Variants in SLC35A3 observed in about 807,000 individuals in gnomAD.
SLC35A3 encodes the protein UDP-N-acetylglucosamine transporter.
In SLC35A3, 26 loss-of-function variants were observed where a neutral mutation model predicts 39.0. That is an observed-to-expected ratio of 0.67 (90% CI 0.49 to 0.92). The LOEUF (loss-of-function observed/expected upper bound fraction) is 0.92. Ranked by LOEUF, SLC35A3 falls within the 40% of genes least tolerant of loss-of-function variation. The probability of loss-of-function intolerance (pLI) is 0.00; values close to 1 mark genes in which losing one functional copy is unlikely to be tolerated. For missense variants in SLC35A3, 299 were observed against 371.6 expected, an observed-to-expected ratio of 0.80 and a Z score of 1.61; for synonymous variants, 135 against 133.1, an observed-to-expected ratio of 1.01 and a Z score of -0.10.
At chr1:100,000,353 T>C (rs1658683926) in intron 3 of SLC35A3, among the ~76,000 whole-genome samples, 1 of 152,176 alleles carries the variant, frequency 6.6e-6, no homozygotes, top group Admixed American at 6.6e-5. Context: ...TTTTTTCATA[T>C]ACCTGTTGGC....
chr1:99,982,176 T>A (rs1657495417), intron 1 of SLC35A3, among the ~76,000 whole-genome samples: 2 of 152,038 alleles, frequency 1.3e-5, no homozygotes, highest in Non-Finnish European at 2.9e-5. Flanking sequence ...AGCTAATTTT[T>A]TGTATTTTTA....
chr1:100,035,202 T>C lies in SLC35A3; in HGVS notation c.*12726T>C, dbSNP rs538989578. ...CTCCCCATACATCATCTCTAGATTA[T>C]TTATAGTACTTAATACAATGTAATG... On this transcript the variant is annotated 3_prime_UTR_variant, in exon 8 of 8. Coordinates refer to ENST00000533028, the MANE Select transcript of SLC35A3 (RefSeq NM_012243.3). 6.6e-6 allele frequency: 1 copy of C among 152,204 alleles called. No individual in the cohort carries two copies. Among genetic ancestry groups the C allele is most frequent in the Non-Finnish European group, 1.5e-5 (1 of 68,022 alleles). 9.4% of individuals were successfully genotyped at this position (152,204 alleles called of 1,614,324 possible).
intron 1 of SLC35A3, among the ~76,000 whole-genome samples, chr1:99,970,967 A>C (rs569217739): frequency 3.3e-5 from 5 of 152,106 alleles, no homozygotes; most frequent in African/African-American, 1.2e-4. Context: ...CAGCATCTCA[A>C]ATTTAGTTCT....
intron 5 of SLC35A3, among the ~76,000 whole-genome samples, chr1:100,013,297 T>G (rs1659809970): frequency 6.6e-6 from 1 of 151,802 alleles, no homozygotes; most frequent in Non-Finnish European, 1.5e-5. Context: ...AGCAACATAG[T>G]GAGACCCTGT....
intron 7 of SLC35A3, among the ~76,000 whole-genome samples, chr1:100,020,235 A>T (rs980265759): frequency 6.6e-6 from 1 of 152,032 alleles, no homozygotes; most frequent in Non-Finnish European, 1.5e-5. Flanking sequence ...TCTCAGAACC[A>T]TCTTAAAATT....
At chr1:100,019,637 T>C (rs953466986) in intron 7 of SLC35A3, among the ~76,000 whole-genome samples, 1 of 152,092 alleles carries the variant, frequency 6.6e-6, no homozygotes, top group Middle Eastern at 3.2e-3. Context: ...AAACTGGGTT[T>C]TTGTTTGTTT....
chr1:99,990,276 T>A (rs1018319610), intron 1 of SLC35A3, among the ~76,000 whole-genome samples: 17 of 152,034 alleles, frequency 1.1e-4, no homozygotes, highest in African/African-American at 2.2e-4. Flanking sequence ...GGTTATTTTT[T>A]AAAAAATACG....
chr1:99,986,848 A>G (rs1374299745), intron 1 of SLC35A3, among the ~76,000 whole-genome samples: 1 of 152,208 alleles, frequency 6.6e-6, no homozygotes, highest in African/African-American at 2.4e-5. Flanking sequence ...TGGGCCTACC[A>G]AAGTGCTGGG....
chr1:100,012,263 C>G (rs1438186169), intron 5 of SLC35A3, among the ~76,000 whole-genome samples: 1 of 151,600 alleles, frequency 6.6e-6, no homozygotes, highest in African/African-American at 2.4e-5. Context: ...ATAGTGAGCC[C>G]TAAAAATGTC....
chr1:100,014,554 C>A (rs1034459734), intron 5 of SLC35A3, among the ~76,000 whole-genome samples: 1 of 152,050 alleles, frequency 6.6e-6, no homozygotes, highest in Non-Finnish European at 1.5e-5. Flanking sequence ...AATATTGTAC[C>A]CCCTGCCTCA....
In SLC35A3 at chr1:100,031,951, T is replaced by TA. The variant is rs1452823070; in HGVS notation, c.*9476dup. On this transcript the variant is annotated 3_prime_UTR_variant, in exon 8 of 8. Coordinates refer to ENST00000533028, the MANE Select transcript of SLC35A3 (RefSeq NM_012243.3). ...AGGACCAAAGTTACTTTGCTCCTAT[T>TA]ATGTGGTTTGATTTGTTCCCTTTAT... 1 of 152,208 alleles carries TA rather than the reference T, an allele frequency of 6.6e-6. No individual in the cohort carries two copies. Among genetic ancestry groups the TA allele is most frequent in the Non-Finnish European group, 1.5e-5 (1 of 68,042 alleles). 9.4% of individuals were successfully genotyped at this position (152,208 alleles called of 1,614,324 possible). A position where few individuals can be genotyped will look rare whatever the true frequency, so the allele number is the denominator to read the frequency against.
rs2101562516 is a variant in SLC35A3 at position 100,033,676 on chromosome 1, GTTCT to G, written c.*11203_*11206del. The G allele has an allele frequency of 6.6e-6, 1 of 152,108 alleles. No individual in the cohort carries two copies. The highest frequency in any genetic ancestry group is 2.4e-5 in the African/African-American group (1 of 41,514). The allele number at this position is 152,108 out of a possible 1,614,324, so 9.4% of individuals were successfully genotyped here. Reference sequence around the variant, plus strand: ...ATTTAATTTGACACCTTTAAATGATGTTCTTTGACTCTTATCTAATTGTCTATGT... The same window carrying G: ...ATTTAATTTGACACCTTTAAATGATGTTGACTCTTATCTAATTGTCTATGT... On this transcript the variant is annotated 3_prime_UTR_variant, in exon 8 of 8. Coordinates refer to ENST00000533028, the MANE Select transcript of SLC35A3 (RefSeq NM_012243.3).
Position 100,035,395 on chromosome 1 carries a change from ACAGGACTGTTCTCTCTTGTTTATCATTG to A in SLC35A3, c.*12923_*12950del, listed in dbSNP as rs1661446226. The A allele has an allele frequency of 6.6e-6, 1 of 152,224 alleles. No homozygotes were observed. The highest frequency in any genetic ancestry group is 2.4e-5 in the African/African-American group (1 of 41,446). 9.4% of individuals were successfully genotyped at this position (152,224 alleles called of 1,614,324 possible). A position where few individuals can be genotyped will look rare whatever the true frequency, so the allele number is the denominator to read the frequency against. On this transcript the variant is annotated 3_prime_UTR_variant, in exon 8 of 8. Coordinates refer to ENST00000533028, the MANE Select transcript of SLC35A3 (RefSeq NM_012243.3). ...GTTCATACACAATAGGCCTATTAGA[ACAGGACTGTTCTCTCTTGTTTATCATTG>A]CAGCCTTTCTAGCACAAAGCCTGGG...
At chr1:100,021,639 C>T (rs1660556791) in intron 7 of SLC35A3, among the ~76,000 whole-genome samples, 1 of 151,912 alleles carries the variant, frequency 6.6e-6, no homozygotes, top group African/African-American at 2.4e-5. Flanking sequence ...CACTGCACTC[C>T]AGAGCCTGAG....
intron 1 of SLC35A3, among the ~76,000 whole-genome samples, chr1:99,973,764 C>G (rs1026863725): frequency 1.3e-5 from 2 of 152,118 alleles, no homozygotes; most frequent in African/African-American, 4.8e-5. Flanking sequence ...TGCCTGTAAT[C>G]CCAGCATTTT....
chr1:100,006,143 G>A (rs536267328), intron 3 of SLC35A3, among the ~76,000 whole-genome samples: 143 of 152,268 alleles, frequency 9.4e-4, no homozygotes, highest in Non-Finnish European at 1.7e-3. Context: ...GTTCCTTAGT[G>A]GCTTCGACTG....
At chr1:100,009,555 A>T (rs1659475977) in intron 4 of SLC35A3, 2 of 152,370 alleles carry the variant, frequency 1.3e-5, no homozygotes, top group South Asian at 4.1e-4. Context: ...GGAGAGAGGC[A>T]TATCAGAGAA....
In SLC35A3 at chr1:100,035,237, C is replaced by T. The variant is rs889968706; in HGVS notation, c.*12761C>T. 7.2e-5 allele frequency: 11 copies of T among 152,124 alleles called. No homozygotes were observed. Among genetic ancestry groups the T allele is most frequent in the African/African-American group, 2.4e-4 (10 of 41,408 alleles). The allele number at this position is 152,124 out of a possible 1,614,324, so 9.4% of individuals were successfully genotyped here. The stretch of plus-strand genomic sequence containing the variant: ...TTAATACAATGTAATGCTGTGTAGT[C>T]ATACTGTATTTTTTACTTGTATTTT... On this transcript the variant is annotated 3_prime_UTR_variant, in exon 8 of 8. Transcript: ENST00000533028.
chr1:100,001,396 G>C (rs2149190), intron 3 of SLC35A3, among the ~76,000 whole-genome samples: 10,374 of 151,722 alleles, frequency 0.068, 489 homozygotes, highest in African/African-American at 0.14. Flanking sequence ...GTGTTTTGTA[G>C]TTTTTCTTGT....
Sources: allele counts gnomAD v4.1 joint callset (sites outside exome capture counted in the v4.1 genomes callset), GRCh38; gene constraint gnomAD v4.1.1; transcripts MANE v1.5; gene names NCBI Gene and HGNC (gene_info 2026-07-23, HGNC 2026-07-21).